The following ITGBL1 variants were observed in gnomAD, a reference collection of about 807,000 sequenced individuals.
The protein encoded by ITGBL1 is integrin beta-like protein 1.
Under a neutral mutation model 68.5 loss-of-function variants are expected in ITGBL1, and 51 were observed. That is an observed-to-expected ratio of 0.74 (90% CI 0.59 to 0.94). ITGBL1 has a LOEUF of 0.94. Among genes scored for constraint, ITGBL1 ranks in the 40% least tolerant of loss-of-function variants. The pLI is 0.00. For missense variants in ITGBL1, 649 were observed against 647.4 expected, an observed-to-expected ratio of 1.00 and a Z score of -0.03; for synonymous variants, 209 against 227.3, an observed-to-expected ratio of 0.92 and a Z score of 0.72.
At chr13:101,528,183 TTTC>T (rs2049412476) in intron 2 of ITGBL1, among the ~76,000 whole-genome samples, 1 of 151,528 alleles carries the variant, frequency 6.6e-6, no homozygotes, top group Admixed American at 6.6e-5. Flanking sequence ...TATTAATATT[TTTC>T]TTTTTTGTCA....
intron 2 of ITGBL1, among the ~76,000 whole-genome samples, chr13:101,455,210 A>G (rs961023888): frequency 2.6e-5 from 4 of 152,236 alleles, no homozygotes. Flanking sequence ...GAATGAGTTT[A>G]TAGCAAAATA....
At chr13:101,482,935 T>C (rs1488698537) in intron 2 of ITGBL1, among the ~76,000 whole-genome samples, 1 of 152,188 alleles carries the variant, frequency 6.6e-6, no homozygotes, top group Non-Finnish European at 1.5e-5. Flanking sequence ...CATCAGAGAC[T>C]CTGGCTGTGG....
chr13:101,600,775 C>T (rs2030321289), intron 7 of ITGBL1, among the ~76,000 whole-genome samples: 1 of 152,096 alleles, frequency 6.6e-6, no homozygotes. Context: ...GCCTTGCATC[C>T]CAGGGATGAA....
At chr13:101,598,449 T>C (rs2030129030) in intron 7 of ITGBL1, 150 bp downstream of exon 7, 1 of 604,808 alleles carries the variant, frequency 1.7e-6, no homozygotes, top group Middle Eastern at 5.0e-4. Context: ...TTTTTTATTA[T>C]TATATTTTAA....
intron 7 of ITGBL1, among the ~76,000 whole-genome samples, chr13:101,660,744 G>A (rs2033062283): frequency 6.6e-6 from 1 of 152,156 alleles, no homozygotes. Context: ...GAAGCAAGAT[G>A]GACTCAACCA....
intron 7 of ITGBL1, among the ~76,000 whole-genome samples, chr13:101,599,939 T>C (rs2030250058): frequency 6.6e-6 from 1 of 152,202 alleles, no homozygotes; most frequent in Non-Finnish European, 1.5e-5. Context: ...TGGTTCCATA[T>C]GAACTTTAAA....
At position 101,481,863 on chromosome 13, in the gene ITGBL1, A is replaced by C. The variant is rs143852373; in HGVS notation, c.316+27763A>C. ...AAGTGATATTTCAATATATGTATAC[A>C]ATGTATAATGATCAAATCAAGGTGA... On this transcript the variant is annotated intron_variant, in intron 2 of 10. Transcript: ENST00000376180. Among the ~76,000 whole-genome samples the C allele has an allele frequency of 2.4e-4, 36 of 152,276 alleles. No homozygotes were observed. In the East Asian group the frequency reaches 7.0e-3, roughly 29 times the overall value.
chr13:101,720,569 TGTG>T (rs1464708339), downstream of ITGBL1: 3 of 151,042 alleles, frequency 2.0e-5, no homozygotes, highest in African/African-American at 7.3e-5. Context: ...TGTGTGTATA[TGTG>T]TGTGTTTGTG....
intron 7 of ITGBL1, among the ~76,000 whole-genome samples, chr13:101,681,170 G>T (rs1175077328): frequency 6.6e-6 from 1 of 152,138 alleles, no homozygotes; most frequent in Non-Finnish European, 1.5e-5. Flanking sequence ...CTATTCTTCA[G>T]CAAGAACATG....
At chr13:101,488,824 G>T (rs908146125) in intron 2 of ITGBL1, among the ~76,000 whole-genome samples, 14 of 152,098 alleles carry the variant, frequency 9.2e-5, no homozygotes, top group African/African-American at 3.1e-4. Flanking sequence ...GCCAATATTA[G>T]GTTCCCAGTT....
At chr13:101,582,755 A>G (rs541257795) in intron 5 of ITGBL1, among the ~76,000 whole-genome samples, 3 of 152,118 alleles carry the variant, frequency 2.0e-5, no homozygotes, top group Admixed American at 6.6e-5. Context: ...TATATATCCA[A>G]TCCATCCACT....
chr13:101,508,697 C>T (rs529485915), intron 2 of ITGBL1, among the ~76,000 whole-genome samples: 2 of 152,032 alleles, frequency 1.3e-5, no homozygotes, highest in African/African-American at 4.8e-5. Flanking sequence ...TGTTAGAAGT[C>T]TTACATTTAT....
chr13:101,679,142 G>A lies in ITGBL1; in HGVS notation c.1016-13443G>A, dbSNP rs181843034. ...AGGATGGTCTCCATCTCCTGACCTC[G>A]TGATCTGCCCTCCTCAGCCTCCCAA... On this transcript the variant is annotated intron_variant, in intron 7 of 10. Transcript: ENST00000376180. Among the ~76,000 whole-genome samples, 283 of 152,006 alleles carry A rather than the reference G, an allele frequency of 1.9e-3. 1 individual carries two copies. Among genetic ancestry groups the A allele is most frequent in the African/African-American group, 6.6e-3 (274 of 41,462 alleles).
At chr13:101,509,204 C>T (rs1022699275) in intron 2 of ITGBL1, among the ~76,000 whole-genome samples, 21 of 152,022 alleles carry the variant, frequency 1.4e-4, no homozygotes, top group African/African-American at 5.1e-4. Context: ...GAGAGTTGTT[C>T]ATGGAAACTC....
intron 7 of ITGBL1, among the ~76,000 whole-genome samples, chr13:101,619,984 T>C (rs989853806): frequency 6.6e-6 from 1 of 152,184 alleles, no homozygotes; most frequent in African/African-American, 2.4e-5. Context: ...ATTTATTCCA[T>C]GTTGTAATAT....
intron 2 of ITGBL1, among the ~76,000 whole-genome samples, chr13:101,468,715 A>G (rs975362656): frequency 6.6e-6 from 1 of 152,198 alleles, no homozygotes; most frequent in African/African-American, 2.4e-5. Flanking sequence ...GAGTGCATGT[A>G]AAAGCTCAAA....
chr13:101,711,054 G>GT (rs896757275), intron 9 of ITGBL1: 1 of 152,162 alleles, frequency 6.6e-6, no homozygotes, highest in Non-Finnish European at 1.5e-5. Context: ...GACTCAAATT[G>GT]TTTTTGTGAA....
intron 7 of ITGBL1, among the ~76,000 whole-genome samples, chr13:101,657,221 T>G (rs1341870186): frequency 6.6e-6 from 1 of 152,254 alleles, no homozygotes; most frequent in East Asian, 1.9e-4. Context: ...GAACTTTTAT[T>G]ATGCTTAGCC....
intron 2 of ITGBL1, among the ~76,000 whole-genome samples, chr13:101,557,856 C>T (rs1566731065): frequency 6.6e-6 from 1 of 151,732 alleles, no homozygotes; most frequent in African/African-American, 2.4e-5. Flanking sequence ...TTTGGGAGGC[C>T]GAGGTGGGCG....
Sources: gnomAD v4.1 joint callset for allele counts (sites outside exome capture counted in the v4.1 genomes callset) on GRCh38, gnomAD v4.1.1 for gene constraint, MANE v1.5 for transcripts, NCBI Gene and HGNC (gene_info 2026-07-23, HGNC 2026-07-21) for gene names.